The following HDAC9 variants were observed in gnomAD, a reference collection of about 807,000 sequenced individuals.
HDAC9 encodes MEF-2 interacting transcription repressor (MITR) protein.
A neutral mutation model predicts 139.4 loss-of-function variants in HDAC9; 41 were observed. The observed-to-expected ratio is 0.29, with a 90% CI of 0.23 to 0.38. The LOEUF is 0.38. Among genes scored for constraint, HDAC9 ranks in the 10% least tolerant of loss-of-function variants. The pLI is 1.00. For missense variants in HDAC9, 1,147 were observed against 1,297.0 expected, an observed-to-expected ratio of 0.88 and a Z score of 1.78; for synonymous variants, 517 against 476.2, an observed-to-expected ratio of 1.09 and a Z score of -1.12.
chr7:18,669,106 A>G (rs1006693918), intron 12 of HDAC9, among the ~76,000 whole-genome samples: 2 of 151,734 alleles, frequency 1.3e-5, no homozygotes, highest in African/African-American at 4.8e-5. Context: ...AAACTTTTTC[A>G]TGATATGTTA....
At chr7:18,382,008 T>C (rs1785486404) in intron 1 of HDAC9, among the ~76,000 whole-genome samples, 1 of 152,254 alleles carries the variant, frequency 6.6e-6, no homozygotes, top group Non-Finnish European at 1.5e-5. Context: ...GTTTTTCTAA[T>C]GTGAATATGA....
chr7:18,771,878 T>G (rs1044969716), intron 16 of HDAC9, among the ~76,000 whole-genome samples: 1 of 152,164 alleles, frequency 6.6e-6, no homozygotes, highest in African/African-American at 2.4e-5. Flanking sequence ...ATGGTCATCT[T>G]TGAAACAAAA....
chr7:18,935,665 A>T (rs1781582211), intron 22 of HDAC9, 144 bp from the exon 23 acceptor site: 1 of 714,100 alleles, frequency 1.4e-6, no homozygotes, highest in Admixed American at 2.5e-5. Flanking sequence ...GACCTAATCC[A>T]TAAAGTTATT....
At chr7:18,489,380 G>A (rs1796200963) in intron 1 of HDAC9, among the ~76,000 whole-genome samples, 2 of 151,876 alleles carry the variant, frequency 1.3e-5, no homozygotes, top group African/African-American at 4.8e-5. Context: ...GTCCATAGGA[G>A]GATATTTTTA....
At chr7:18,544,376 T>C (rs1409767685) in intron 2 of HDAC9, among the ~76,000 whole-genome samples, 1 of 152,186 alleles carries the variant, frequency 6.6e-6, no homozygotes, top group Non-Finnish European at 1.5e-5. Flanking sequence ...AGGACATGTT[T>C]AAGAATGAAA....
rs556489554 is a variant in HDAC9, at chr7:18,623,930, C to G, written c.665-5420C>G. 3.3e-5 allele frequency among the ~76,000 whole-genome samples: 5 copies of G among 152,258 alleles called. No homozygotes were observed. The East Asian group carries it at 7.7e-4, about 24-fold the overall frequency. On this transcript the variant is annotated intron_variant, in intron 6 of 25. Coordinates refer to ENST00000686413, the MANE Select transcript of HDAC9 (RefSeq NM_178425.4). ...TTCCAGCATGGGCGACAGAGCAAGA[C>G]TCCATTGCAGGGGGGGTAAAAAAAG... is the stretch of plus-strand genomic sequence containing the variant.
At position 18,658,909 on chromosome 7, in the gene HDAC9, A is replaced by C. The variant is rs201681806; in HGVS notation, c.1468-7304A>C. On this transcript the variant is annotated intron_variant, in intron 11 of 25. Transcript: ENST00000686413. Reference sequence around the variant, plus strand: ...AAAAGAAAAAAAAAGCAAAAAAAAAAAAAACAAAACAACAACAACAACTTC... The same window carrying C: ...AAAAGAAAAAAAAAGCAAAAAAAAACAAAACAAAACAACAACAACAACTTC... Among the ~76,000 whole-genome samples the C allele has an allele frequency of 6.1e-4, 92 of 150,598 alleles. 1 individual carries two copies. Among genetic ancestry groups the C allele is most frequent in the African/African-American group, 1.5e-3 (62 of 40,442 alleles).
chr7:18,198,748 C>G (rs1790897606), intron 2 of HDAC9, among the ~76,000 whole-genome samples: 2 of 152,004 alleles, frequency 1.3e-5, no homozygotes, highest in East Asian at 3.9e-4. Flanking sequence ...AATATGAACT[C>G]TATTTTAAAA....
intron 2 of HDAC9, among the ~76,000 whole-genome samples, chr7:18,187,437 T>G (rs1789999505): frequency 6.6e-6 from 1 of 152,244 alleles, no homozygotes; most frequent in South Asian, 2.1e-4. Context: ...AATTCATTTA[T>G]TCATACTTCA....
chr7:18,591,331 T>G (rs1830879709), intron 4 of HDAC9, among the ~76,000 whole-genome samples, 185 bp from the exon 5 acceptor site: 1 of 152,200 alleles, frequency 6.6e-6, no homozygotes, highest in South Asian at 2.1e-4. Flanking sequence ...TACTATTTTC[T>G]AAAGCATATT....
intron 22 of HDAC9, among the ~76,000 whole-genome samples, chr7:18,921,930 G>A (rs1248073765): frequency 6.6e-6 from 1 of 152,016 alleles, no homozygotes; most frequent in East Asian, 1.9e-4. Context: ...CCTTTGTAGG[G>A]ACATGGATGA....
chr7:18,208,876 A>G (rs1791736648), intron 2 of HDAC9, among the ~76,000 whole-genome samples: 1 of 152,232 alleles, frequency 6.6e-6, no homozygotes, highest in Non-Finnish European at 1.5e-5. Flanking sequence ...GAGTTTTGAA[A>G]TAATAATTGA....
chr7:18,429,385 C>T (rs1333527217), intron 1 of HDAC9: 3 of 152,138 alleles, frequency 2.0e-5, no homozygotes, highest in South Asian at 2.1e-4. Context: ...GCCAAGTTCT[C>T]ATGTCTCAAG....
At chr7:18,381,198 C>CAAAAAAAAAAAAAAAAAAAAAAGAA (rs1785408839) in intron 1 of HDAC9, among the ~76,000 whole-genome samples, 1 of 73,340 alleles carries the variant, frequency 1.4e-5, no homozygotes, top group Non-Finnish European at 2.3e-5. Flanking sequence ...GACTCTGTCT[C>CAAAAAAAAAAAAAAAAAAAAAAGAA]AAAAAAAAAA....
chr7:18,504,847 G>A (rs1275805787), intron 2 of HDAC9, among the ~76,000 whole-genome samples: 3 of 152,300 alleles, frequency 2.0e-5, no homozygotes, highest in Non-Finnish European at 4.4e-5. Flanking sequence ...GTAGGAAATG[G>A]CAGGGTCGTG....
chr7:18,991,495 G>GGTGT (rs1426324298), intron 25 of HDAC9, among the ~76,000 whole-genome samples: 3 of 152,144 alleles, frequency 2.0e-5, no homozygotes, highest in Non-Finnish European at 4.4e-5. Flanking sequence ...AAATTAGCCA[G>GGTGT]GTGTGGTGGC....
intron 21 of HDAC9, among the ~76,000 whole-genome samples, chr7:18,837,533 A>G (rs1190628913): frequency 6.6e-6 from 1 of 152,084 alleles, no homozygotes; most frequent in Admixed American, 6.6e-5. Flanking sequence ...CATTAAATTC[A>G]TGTTAAATAC....
chr7:18,452,980 A>G (rs1490589815), intron 1 of HDAC9, among the ~76,000 whole-genome samples: 4 of 152,212 alleles, frequency 2.6e-5, no homozygotes, highest in Non-Finnish European at 5.9e-5. Context: ...CAAGGAAACA[A>G]TAAAATGTTA....
intron 2 of HDAC9, among the ~76,000 whole-genome samples, chr7:18,233,046 G>T (rs571136772): frequency 6.6e-6 from 1 of 152,026 alleles, no homozygotes; most frequent in Admixed American, 6.6e-5. Flanking sequence ...CTGAAAAATT[G>T]TTGCCCCCAA....
Sources: gnomAD v4.1 joint callset for allele counts (sites outside exome capture counted in the v4.1 genomes callset) on GRCh38, gnomAD v4.1.1 for gene constraint, MANE v1.5 for transcripts, NCBI Gene and HGNC (gene_info 2026-07-23, HGNC 2026-07-21) for gene names.